POLR3B: variants seen among roughly 807,000 people sequenced by gnomAD.
POLR3B encodes the protein DNA-directed RNA polymerase III subunit RPC2.
Under a neutral mutation model 147.4 loss-of-function variants are expected in POLR3B, and 96 were observed. The ratio of observed to expected loss-of-function variants is 0.65; its 90% CI spans 0.55 to 0.77. The LOEUF (loss-of-function observed/expected upper bound fraction) is 0.77, where lower values mean the gene tolerates loss of function less well. POLR3B is among the 30% of genes least tolerant of loss of function. The pLI, the probability that POLR3B is intolerant of heterozygous loss-of-function variation, is 0.00. For missense variants in POLR3B, 1,036 were observed against 1,413.5 expected, an observed-to-expected ratio of 0.73 and a Z score of 4.28; for synonymous variants, 461 against 485.9, an observed-to-expected ratio of 0.95 and a Z score of 0.67.
chr12:106,420,482 G>C (rs74827460), intron 12 of POLR3B, among the ~76,000 whole-genome samples: 3,109 of 152,156 alleles, frequency 0.02, 103 homozygotes, highest in African/African-American at 0.07. Flanking sequence ...CTACCCTTAG[G>C]TGAAAAGCCT....
At chr12:106,477,967 C>T (rs549045292) in intron 23 of POLR3B, among the ~76,000 whole-genome samples, 3 of 123,376 alleles carry the variant, frequency 2.4e-5, no homozygotes, top group African/African-American at 3.1e-5. Context: ...TGCAGTGGCT[C>T]GATCTCAGCT....
chr12:106,358,237 G>A, intron 1 of POLR3B: 1 of 1,379,572 alleles, frequency 7.2e-7, no homozygotes, highest in Non-Finnish European at 9.4e-7. Context: ...GCGTGGGGAG[G>A]ACTGACCCTC....
At chr12:106,468,121 A>G (rs896236597) in intron 23 of POLR3B, among the ~76,000 whole-genome samples, 1 of 152,102 alleles carries the variant, frequency 6.6e-6, no homozygotes, top group Non-Finnish European at 1.5e-5. Flanking sequence ...TTATTGCCTT[A>G]ATTTCAAAAC....
chr12:106,456,997 C>T, intron 20 of POLR3B, 141 bp from the exon 21 acceptor site: 1 of 744,246 alleles, frequency 1.3e-6, no homozygotes. Context: ...TTGTACTGGT[C>T]CCAGATTATT....
intron 18 of POLR3B, among the ~76,000 whole-genome samples, chr12:106,440,725 CTTTTTT>C (rs139194243): frequency 7.0e-6 from 1 of 143,256 alleles, no homozygotes; most frequent in Non-Finnish European, 1.5e-5. Flanking sequence ...CTCTTTACTA[CTTTTTT>C]TTTTTTTTTA....
chr12:106,421,023 T>C (rs2037367128), intron 12 of POLR3B, among the ~76,000 whole-genome samples: 1 of 152,214 alleles, frequency 6.6e-6, no homozygotes, highest in Non-Finnish European at 1.5e-5. Flanking sequence ...ACTTTTGAAC[T>C]TTATAGAAAT....
intron 19 of POLR3B, among the ~76,000 whole-genome samples, chr12:106,447,479 TCC>T (rs2037738945): frequency 1.3e-5 from 2 of 152,164 alleles, no homozygotes; most frequent in East Asian, 3.9e-4. Context: ...GAAGCACTTC[TCC>T]ATGGGTATGG....
chr12:106,363,383 A>G (rs1232290684), intron 1 of POLR3B, among the ~76,000 whole-genome samples: 1 of 152,122 alleles, frequency 6.6e-6, no homozygotes, highest in Non-Finnish European at 1.5e-5. Context: ...ATCAATTTTA[A>G]CTCTATCCCT....
At chr12:106,423,617 A>T (rs2037399161) in intron 12 of POLR3B, among the ~76,000 whole-genome samples, 1 of 152,086 alleles carries the variant, frequency 6.6e-6, no homozygotes, top group African/African-American at 2.4e-5. Flanking sequence ...TCCAGAAGAG[A>T]GAATAAATTT....
At chr12:106,496,660 A>T in intron 24 of POLR3B, 92 bp from the exon 25 acceptor site, 1 of 1,069,668 alleles carries the variant, frequency 9.3e-7, no homozygotes, top group Non-Finnish European at 1.4e-6. Flanking sequence ...TGTTATTAAT[A>T]GTGGTCGTGG....
At chr12:106,371,554 G>T (rs1435280875) in intron 6 of POLR3B, among the ~76,000 whole-genome samples, 1 of 151,230 alleles carries the variant, frequency 6.6e-6, no homozygotes, top group African/African-American at 2.4e-5. Context: ...GTCCAACAAT[G>T]ATAGACTGGA....
intron 22 of POLR3B, 113 bp from the exon 23 acceptor site, chr12:106,463,365 G>A (rs764081609): frequency 9.8e-6 from 9 of 919,602 alleles, no homozygotes; most frequent in South Asian, 1.5e-5. Flanking sequence ...CAGAGCCCAA[G>A]ATGAAAATGT....
intron 23 of POLR3B, among the ~76,000 whole-genome samples, chr12:106,474,759 T>A (rs1456281150): frequency 4.0e-5 from 6 of 148,688 alleles, no homozygotes; most frequent in Non-Finnish European, 9.0e-5. Flanking sequence ...TCTCTCTTTT[T>A]TTCTTTATTA....
At chr12:106,452,599 A>G (rs749756508) in intron 19 of POLR3B, among the ~76,000 whole-genome samples, 5 of 152,200 alleles carry the variant, frequency 3.3e-5, no homozygotes, top group Non-Finnish European at 7.3e-5. Flanking sequence ...AAATCTCAAC[A>G]TAAATTTTAA....
chr12:106,483,712 C>T (rs2038300640), intron 23 of POLR3B, among the ~76,000 whole-genome samples: 1 of 152,198 alleles, frequency 6.6e-6, no homozygotes, highest in Non-Finnish European at 1.5e-5. Context: ...GAGGCAGCCT[C>T]TTCTGTAGTA....
intron 13 of POLR3B, among the ~76,000 whole-genome samples, chr12:106,429,150 G>A (rs1044998631): frequency 6.6e-6 from 1 of 152,136 alleles, no homozygotes; most frequent in Non-Finnish European, 1.5e-5. Context: ...AAATCTTATT[G>A]TCTGCTTTGC....
At chr12:106,455,866 G>A (rs980053450) in intron 20 of POLR3B, among the ~76,000 whole-genome samples, 11 of 152,034 alleles carry the variant, frequency 7.2e-5, no homozygotes, top group South Asian at 2.1e-4. Flanking sequence ...TTAGAAATTC[G>A]TTACTTCATC....
At chr12:106,482,732 C>T (rs1353410123) in intron 23 of POLR3B, among the ~76,000 whole-genome samples, 3 of 152,126 alleles carry the variant, frequency 2.0e-5, no homozygotes, top group African/African-American at 4.8e-5. Flanking sequence ...AGGAAACATG[C>T]CCTGCTGATT....
At chr12:106,459,208 A>G (rs763646775) in intron 21 of POLR3B, 43 bp from the exon 22 acceptor site, 16 of 1,077,300 alleles carry the variant, frequency 1.5e-5, no homozygotes, top group South Asian at 1.2e-5. Context: ...TGTATTCCAC[A>G]CAGATGATAA....
Sources: gnomAD v4.1 joint callset for allele counts (sites outside exome capture counted in the v4.1 genomes callset) on GRCh38, gnomAD v4.1.1 for gene constraint, MANE v1.5 for transcripts, NCBI Gene and HGNC (gene_info 2026-07-23, HGNC 2026-07-21) for gene names.